The following LUZP2 variants were observed in gnomAD, a reference collection of about 807,000 sequenced individuals.
The protein encoded by LUZP2 is leucine zipper protein 2.
In LUZP2, 52 loss-of-function variants were observed where a neutral mutation model predicts 51.6. The ratio of observed to expected loss-of-function variants is 1.01; its 90% confidence interval spans 0.81 to 1.27. The LOEUF (loss-of-function observed/expected upper bound fraction) is 1.27, where lower values mean the gene tolerates loss of function less well. LUZP2 is among the 50% of genes most tolerant of loss of function. The pLI is 0.00. For missense variants in LUZP2, 436 were observed against 395.4 expected (o/e 1.10, Z -0.87); for synonymous variants, 154 against 137.3 (o/e 1.12, Z -0.85).
chr11:24,812,243 A>G (rs1850044618), intron 5 of LUZP2, among the ~76,000 whole-genome samples: 1 of 152,166 alleles, frequency 6.6e-6, no homozygotes, highest in African/African-American at 2.4e-5. Flanking sequence ...CCATATTTCT[A>G]TGAATACCTC....
chr11:24,805,402 A>C (rs1472532958), intron 5 of LUZP2, among the ~76,000 whole-genome samples: 1 of 152,086 alleles, frequency 6.6e-6, no homozygotes, highest in Non-Finnish European at 1.5e-5. Flanking sequence ...AAACCATATC[A>C]CAGGGTTTCA....
At chr11:24,600,691 A>T (rs551885462) in intron 1 of LUZP2, among the ~76,000 whole-genome samples, 4 of 152,240 alleles carry the variant, frequency 2.6e-5, no homozygotes, top group Non-Finnish European at 5.9e-5. Context: ...ATTAAGTAAG[A>T]TTATGTGTCT....
chr11:25,029,946 TTTATGTAAGG>T (rs1857598637), intron 9 of LUZP2, among the ~76,000 whole-genome samples: 1 of 152,138 alleles, frequency 6.6e-6, no homozygotes, highest in Non-Finnish European at 1.5e-5. Flanking sequence ...ATTTTTTATT[TTTATGTAAGG>T]TGTGTACATA....
chr11:24,891,797 A>G (rs1297379240), intron 5 of LUZP2: 10 of 973,320 alleles, frequency 1.0e-5, no homozygotes, highest in Non-Finnish European at 1.2e-5. Flanking sequence ...GAGAGAACAG[A>G]GAAACAAGGC....
At chr11:24,513,729 T>C (rs895025134) in intron 1 of LUZP2, among the ~76,000 whole-genome samples, 9 of 152,222 alleles carry the variant, frequency 5.9e-5, no homozygotes, top group African/African-American at 1.9e-4. Flanking sequence ...AATCAGTCAA[T>C]GAATTCCATT....
intron 1 of LUZP2, among the ~76,000 whole-genome samples, chr11:24,667,421 G>C (rs1206860990): frequency 6.6e-6 from 1 of 152,004 alleles, no homozygotes; most frequent in Admixed American, 6.6e-5. Context: ...TCCTGACCTC[G>C]TGATCTGCCG....
chr11:24,732,522 A>T (rs948884389), intron 3 of LUZP2, among the ~76,000 whole-genome samples: 1 of 151,686 alleles, frequency 6.6e-6, no homozygotes, highest in Admixed American at 6.6e-5. Flanking sequence ...GACAGATTTG[A>T]TAATATTGAC....
chr11:24,776,495 T>G (rs1033709714), intron 5 of LUZP2, among the ~76,000 whole-genome samples: 1 of 152,152 alleles, frequency 6.6e-6, no homozygotes. Flanking sequence ...GACTGATAAG[T>G]AAATATATCC....
chr11:24,925,475 T>G (rs1213350049), intron 7 of LUZP2, among the ~76,000 whole-genome samples: 1 of 152,146 alleles, frequency 6.6e-6, no homozygotes, highest in African/African-American at 2.4e-5. Context: ...GTAAATTGGC[T>G]TGTCAAAATC....
chr11:24,685,560 T>A (rs1010017503), intron 1 of LUZP2, among the ~76,000 whole-genome samples: 5 of 152,122 alleles, frequency 3.3e-5, no homozygotes, highest in Non-Finnish European at 7.4e-5. Flanking sequence ...TCTCCCACAC[T>A]GTTACTAATA....
At chr11:24,634,909 T>A (rs1855028736) in intron 1 of LUZP2, among the ~76,000 whole-genome samples, 1 of 152,188 alleles carries the variant, frequency 6.6e-6, no homozygotes, top group African/African-American at 2.4e-5. Flanking sequence ...ATGGATGATC[T>A]GTACTGGAGA....
At chr11:24,695,940 A>G (rs1048923273) in intron 1 of LUZP2, among the ~76,000 whole-genome samples, 36 of 152,146 alleles carry the variant, frequency 2.4e-4, no homozygotes, top group African/African-American at 7.5e-4. Flanking sequence ...GGCATTTAAG[A>G]TAGAAGGATA....
intron 1 of LUZP2, among the ~76,000 whole-genome samples, chr11:24,521,618 C>T (rs768421826): frequency 4.6e-5 from 7 of 152,030 alleles, no homozygotes; most frequent in Non-Finnish European, 8.8e-5. Flanking sequence ...GGTAATGAGA[C>T]AACTTTCATA....
intron 1 of LUZP2, among the ~76,000 whole-genome samples, chr11:24,620,391 T>G (rs887584163): frequency 1.3e-5 from 2 of 152,198 alleles, no homozygotes; most frequent in Non-Finnish European, 2.9e-5. Context: ...AGGTATTATA[T>G]CTTTCTACTT....
chr11:24,936,160 A>G (rs1223924552), intron 7 of LUZP2, among the ~76,000 whole-genome samples: 1 of 152,172 alleles, frequency 6.6e-6, no homozygotes, highest in East Asian at 1.9e-4. Flanking sequence ...CAATTTTTTA[A>G]AAGTTCACAA....
intron 5 of LUZP2, among the ~76,000 whole-genome samples, chr11:24,844,269 G>A (rs182416115): frequency 6.6e-6 from 1 of 152,296 alleles, no homozygotes; most frequent in African/African-American, 2.4e-5. Flanking sequence ...TGGAGCAAAG[G>A]TAGCTCTTGT....
At chr11:24,986,545 G>C (rs1856193446) in intron 9 of LUZP2, among the ~76,000 whole-genome samples, 1 of 150,558 alleles carries the variant, frequency 6.6e-6, no homozygotes, top group Admixed American at 6.7e-5. Flanking sequence ...CTCTGTGTGT[G>C]TGTGTGTGTG....
intron 11 of LUZP2, among the ~76,000 whole-genome samples, chr11:25,078,107 A>C: frequency 6.6e-6 from 1 of 152,204 alleles, no homozygotes; most frequent in African/African-American, 2.4e-5. Context: ...GGTGAAAAGA[A>C]GTACATATTA....
At chr11:24,744,206 T>C (rs1313625535) in intron 4 of LUZP2, among the ~76,000 whole-genome samples, 2 of 152,138 alleles carry the variant, frequency 1.3e-5, no homozygotes, top group Non-Finnish European at 2.9e-5. Flanking sequence ...GTTTTGGTAA[T>C]AGGGTGATGC....
Sources: gnomAD v4.1 joint callset for allele counts (sites outside exome capture counted in the v4.1 genomes callset) on GRCh38, gnomAD v4.1.1 for gene constraint, MANE v1.5 for transcripts, NCBI Gene and HGNC (gene_info 2026-07-23, HGNC 2026-07-21) for gene names.